MDGA2: variants seen among roughly 807,000 people sequenced by gnomAD.
MDGA2 encodes MAM domain containing glycosylphosphatidylinositol anchor 2.
A neutral mutation model predicts 117.8 loss-of-function variants in MDGA2; 40 were observed. The ratio of observed to expected loss-of-function variants is 0.34; its 90% CI spans 0.26 to 0.44. The LOEUF is 0.44. Ranked by LOEUF, MDGA2 falls within the 20% of genes least tolerant of loss-of-function variation. The pLI is 1.00. For missense variants in MDGA2, 1,123 were observed against 1,250.6 expected, an observed-to-expected ratio of 0.90 and a Z score of 1.54; for synonymous variants, 452 against 439.0, an observed-to-expected ratio of 1.03 and a Z score of -0.37.
chr14:47,354,709 T>G (rs2138355620), intron 1 of MDGA2, among the ~76,000 whole-genome samples: 1 of 152,322 alleles, frequency 6.6e-6, no homozygotes, highest in South Asian at 2.1e-4. Context: ...CCACCTTGGT[T>G]GTGGTCATTA....
intron 1 of MDGA2, among the ~76,000 whole-genome samples, chr14:47,542,660 A>C (rs1239283418): frequency 6.6e-6 from 1 of 152,268 alleles, no homozygotes; most frequent in African/African-American, 2.4e-5. Flanking sequence ...TTGAAGACAT[A>C]ATAATATCAT....
At chr14:47,204,948 C>G (rs995606441) in intron 3 of MDGA2, among the ~76,000 whole-genome samples, 1 of 151,956 alleles carries the variant, frequency 6.6e-6, no homozygotes, top group Admixed American at 6.6e-5. Context: ...TTGGAGTGGC[C>G]TAAGTCACAA....
At chr14:47,060,332 T>C (rs576677277) in intron 7 of MDGA2, among the ~76,000 whole-genome samples, 3 of 152,226 alleles carry the variant, frequency 2.0e-5, no homozygotes, top group Non-Finnish European at 2.9e-5. Context: ...TTTGGAACCA[T>C]GAGAAGGCAC....
At chr14:47,171,391 C>G (rs1416662889) in intron 3 of MDGA2, among the ~76,000 whole-genome samples, 2 of 152,082 alleles carry the variant, frequency 1.3e-5, no homozygotes, top group Non-Finnish European at 2.9e-5. Flanking sequence ...AACAATTTCA[C>G]ACTGTTACCA....
At chr14:47,427,205 C>G (rs939887222) in intron 1 of MDGA2, among the ~76,000 whole-genome samples, 4 of 152,074 alleles carry the variant, frequency 2.6e-5, no homozygotes, top group African/African-American at 9.7e-5. Context: ...TTAAAAATGG[C>G]TTTAATGTGT....
At chr14:47,389,610 A>C (rs937103377) in intron 1 of MDGA2, among the ~76,000 whole-genome samples, 15 of 97,942 alleles carry the variant, frequency 1.5e-4, no homozygotes, top group South Asian at 1.0e-3. Context: ...ACACACCCAC[A>C]CACACACACA....
chr14:47,110,197 C>T (rs1460186737), intron 5 of MDGA2, among the ~76,000 whole-genome samples: 1 of 151,772 alleles, frequency 6.6e-6, no homozygotes, highest in Non-Finnish European at 1.5e-5. Context: ...ACTGTTTGCA[C>T]TCCTTTGTAC....
In MDGA2 at chr14:47,186,048, AAAG is replaced by A. The variant is rs560820614; in HGVS notation, c.595+31970_595+31972del. Among the ~76,000 whole-genome samples, 24 of 151,782 alleles carry A rather than the reference AAAG, an allele frequency of 1.6e-4. No homozygotes were observed. In the South Asian group the frequency reaches 4.6e-3, roughly 29 times the overall value. On this transcript the variant is annotated intron_variant, in intron 3 of 16. Coordinates refer to ENST00000399232, the MANE Select transcript of MDGA2 (RefSeq NM_001113498.3). ...TACCATCAATACTCATTTAGATAAAAAAGAAGAAGAAAATCCATTCATAAAACA... is the reference window on the plus strand; with the variant it reads ...TACCATCAATACTCATTTAGATAAAAAAGAAGAAAATCCATTCATAAAACA...
chr14:47,065,244 T>A (rs1320823204), intron 6 of MDGA2, among the ~76,000 whole-genome samples: 1 of 152,142 alleles, frequency 6.6e-6, no homozygotes, highest in Non-Finnish European at 1.5e-5. Context: ...TTGGCCTATA[T>A]TCACTTTTTA....
At chr14:47,320,097 G>T (rs947615491) in intron 1 of MDGA2, among the ~76,000 whole-genome samples, 8 of 152,256 alleles carry the variant, frequency 5.3e-5, no homozygotes, top group Admixed American at 1.3e-4. Context: ...GCCCTCAGAA[G>T]AAACCAACCC....
intron 3 of MDGA2, among the ~76,000 whole-genome samples, chr14:47,153,993 A>G (rs1433974301): frequency 6.6e-6 from 1 of 152,206 alleles, no homozygotes; most frequent in Non-Finnish European, 1.5e-5. Context: ...AAAGTCAAGT[A>G]AAAACATGGA....
intron 1 of MDGA2, among the ~76,000 whole-genome samples, chr14:47,417,219 T>C (rs1047506842): frequency 6.6e-6 from 1 of 152,212 alleles, no homozygotes; most frequent in African/African-American, 2.4e-5. Flanking sequence ...ATTTCCCTTT[T>C]TCACATTTTG....
intron 1 of MDGA2, among the ~76,000 whole-genome samples, chr14:47,595,599 C>G (rs1896528318): frequency 6.8e-6 from 1 of 147,008 alleles, no homozygotes; most frequent in Non-Finnish European, 1.5e-5. Flanking sequence ...ACTCATCCTA[C>G]TATGTTTTTA....
At chr14:47,227,749 A>G (rs1417136346) in intron 2 of MDGA2, among the ~76,000 whole-genome samples, 2 of 152,052 alleles carry the variant, frequency 1.3e-5, no homozygotes, top group African/African-American at 4.8e-5. Context: ...TCACTCCACA[A>G]TGCACCCAAA....
chr14:47,486,801 C>G (rs1307291153), intron 1 of MDGA2, among the ~76,000 whole-genome samples: 3 of 152,158 alleles, frequency 2.0e-5, no homozygotes, highest in African/African-American at 7.2e-5. Context: ...AACTTGCTCC[C>G]CCTTGCCTTC....
At chr14:47,442,574 T>G (rs2138551172) in intron 1 of MDGA2, among the ~76,000 whole-genome samples, 1 of 152,216 alleles carries the variant, frequency 6.6e-6, no homozygotes. Context: ...GATTCTACCT[T>G]ATAGGTATTA....
intron 1 of MDGA2, among the ~76,000 whole-genome samples, chr14:47,311,995 CTT>C (rs1283303816): frequency 6.6e-6 from 1 of 152,064 alleles, no homozygotes; most frequent in Non-Finnish European, 1.5e-5. Flanking sequence ...AAAAGATACT[CTT>C]ATTAAGTTAA....
At chr14:47,295,545 T>C (rs1000947810) in intron 2 of MDGA2, among the ~76,000 whole-genome samples, 1 of 152,160 alleles carries the variant, frequency 6.6e-6, no homozygotes, top group African/African-American at 2.4e-5. Flanking sequence ...TAAAAAATGT[T>C]TGAGGTCAAC....
intron 1 of MDGA2, among the ~76,000 whole-genome samples, chr14:47,595,063 T>C (rs1266413021): frequency 6.6e-6 from 1 of 152,114 alleles, no homozygotes; most frequent in African/African-American, 2.4e-5. Flanking sequence ...CAGACTGATA[T>C]ACACGTGCTT....
Sources: allele counts gnomAD v4.1 joint callset (sites outside exome capture counted in the v4.1 genomes callset), GRCh38; gene constraint gnomAD v4.1.1; transcripts MANE v1.5; gene names NCBI Gene and HGNC (gene_info 2026-07-23, HGNC 2026-07-21).